The following LRP1 variants were observed in gnomAD, a reference collection of about 807,000 sequenced individuals.
LRP1 encodes LDL receptor related protein 1, also known as prolow-density lipoprotein receptor-related protein 1.
A neutral mutation model predicts 541.5 loss-of-function variants in LRP1; 51 were observed. That is an observed-to-expected ratio of 0.09 (90% CI 0.08 to 0.12). The LOEUF (loss-of-function observed/expected upper bound fraction) is 0.12, where lower values mean the gene tolerates loss of function less well. Among genes scored for constraint, LRP1 ranks in the 10% least tolerant of loss-of-function variants. LRP1 has a pLI of 1.00. For synonymous variants in LRP1, 2,219 were observed against 2,470.8 expected (o/e 0.90, Z 3.02); for missense variants, 3,878 against 6,376.2 (o/e 0.61, Z 13.34).
chr12:57,157,219 C>T (rs569066240), intron 10 of LRP1, among the ~76,000 whole-genome samples: 8 of 152,300 alleles, frequency 5.3e-5, no homozygotes, highest in South Asian at 2.1e-4. Context: ...AAGCAGCGAA[C>T]GAGATAGATG....
rs778534626 is a variant in LRP1, at chr12:57,200,714, G to A, written c.10124G>A (p.Arg3375Gln). ...TCTCTGGCAGCTGAGTTCAAGTGCC[G>A]GCCCGGACAGTTCCAGTGCTCCACA... ...EPPDCPEFKCRPGQFQCSTGI... is the reference protein window; with the variant it reads ...EPPDCPEFKCQPGQFQCSTGI... The change falls in exon 64 of 89, where the codon CGG becomes CAG. Residue 3375 changes from arginine (R) to glutamine (Q), a missense_variant. Around this residue, in one of 13 missense-constraint regions of LRP1, gnomAD observed 278 missense variants for 536.3 expected, o/e 0.52. Transcript: ENST00000243077. The A allele has an allele frequency of 5.0e-6, 8 of 1,613,870 alleles. No individual in the cohort carries two copies. The highest frequency in any genetic ancestry group is 2.2e-5 in the East Asian group (1 of 44,880).
chr12:57,134,132 T>TG (rs556258076), intron 1 of LRP1, among the ~76,000 whole-genome samples: 130 of 146,758 alleles, frequency 8.9e-4, no homozygotes, highest in East Asian at 4.5e-4. Context: ...TGCCTGGGTT[T>TG]GGGGGGGTGG....
Position 57,183,286 on chromosome 12 carries a change from C to A in LRP1, c.5663-93C>A, listed in dbSNP as rs1387031507. 13 of 1,362,222 alleles carry A rather than the reference C, an allele frequency of 9.5e-6. No homozygotes were observed. The highest frequency in any genetic ancestry group is 1.3e-5 in the Non-Finnish European group (13 of 979,452). The allele number at this position is 1,362,222 out of a possible 1,614,324, so 84.4% of individuals were successfully genotyped here. ...GGATGATGGTGGGGGGGGATGATATCAAAGGAGAAGCAGAGAACAGTTGGA... is the reference window on the plus strand; with the variant it reads ...GGATGATGGTGGGGGGGGATGATATAAAAGGAGAAGCAGAGAACAGTTGGA... On this transcript the variant is annotated intron_variant, in intron 34 of 88. Transcript: ENST00000243077. The surrounding 1 kb of genome is among the most constrained non-coding windows in gnomAD (Gnocchi z 6.1).
Position 57,205,515 on chromosome 12 carries a change from C to G in LRP1, c.11470+30C>G. 1.2e-6 allele frequency: 2 copies of G among 1,612,562 alleles called. No homozygotes were observed. Among genetic ancestry groups the G allele is most frequent in the Non-Finnish European group, 1.7e-6 (2 of 1,178,950 alleles). ...GAAAGCGGGGCAGAGCAGGGGTGGACACCCCAACTGTGGACTCTCATGACC... is the reference window on the plus strand; with the variant it reads ...GAAAGCGGGGCAGAGCAGGGGTGGAGACCCCAACTGTGGACTCTCATGACC... On this transcript the variant is annotated intron_variant, in intron 74 of 88. Transcript: ENST00000243077. This position sits in a 1 kb window ranked among gnomAD's most constrained non-coding sequence, Gnocchi z 4.6.
Position 57,178,904 on chromosome 12 carries a change from G to A in LRP1, c.4621G>A (p.Glu1541Lys). Residue 1541 changes from glutamate (E) to lysine (K), a missense_variant, in exon 28 of 89, where the codon GAG (glutamate) becomes AAG (lysine). By Grantham distance (56) the Glu-to-Lys change is moderately conservative. Transcript: ENST00000243077. This position sits in a 1 kb window ranked among gnomAD's most constrained non-coding sequence, Gnocchi z 5.8. ...SRQPMAPNPC[E>K]ANGGQGPCSH... is the part of the protein sequence containing the mutation. ...CCTGCCCCCAGCTCCCAATCCCTGT[G>A]AGGCCAATGGGGGCCAGGGCCCCTG... is the stretch of plus-strand genomic sequence containing the variant. 6.2e-7 allele frequency: 1 copy of A among 1,613,228 alleles called. No homozygotes were observed. The highest frequency in any genetic ancestry group is 8.5e-7 in the Non-Finnish European group (1 of 1,179,788).
At chr12:57,174,974 T>G (rs570687381) in intron 22 of LRP1, among the ~76,000 whole-genome samples, 1 of 152,236 alleles carries the variant, frequency 6.6e-6, no homozygotes, top group East Asian at 1.9e-4. Flanking sequence ...CTGGGAGAAC[T>G]GCCGACAGGC....
intron 8 of LRP1, chr12:57,155,230 G>C (rs562833186): frequency 4.8e-6 from 1 of 207,650 alleles, no homozygotes; most frequent in Non-Finnish European, 9.7e-6. Flanking sequence ...AACTAGGACA[G>C]TTGGCCACCG....
chr12:57,181,133 C>T (rs1198944377), intron 33 of LRP1, 24 bp from the exon 34 acceptor site: 1 of 1,608,410 alleles, frequency 6.2e-7, no homozygotes, highest in South Asian at 1.1e-5. Context: ...TAACCCTTTC[C>T]CTCTGCCTCC....
At chr12:57,202,609 A>T in intron 68 of LRP1, 72 bp downstream of exon 68, 1 of 1,132,036 alleles carries the variant, frequency 8.8e-7, no homozygotes. Flanking sequence ...CCCTCCTGCC[A>T]CAGGCCGCGC....
rs1356204908 is a variant in LRP1 at position 57,178,515 on chromosome 12, G to A, written c.4518G>A (p.Lys1506=). 1.2e-6 allele frequency: 2 copies of A among 1,614,224 alleles called. No individual in the cohort carries two copies. The highest frequency in any genetic ancestry group is 2.2e-5 in the East Asian group (1 of 44,886). Reference sequence around the variant, plus strand: ...CAAACACACTGGCTAAGGCCAACAAGTGGACCGGCCACAATGTCACCGTGG... The same window carrying A: ...CAAACACACTGGCTAAGGCCAACAAATGGACCGGCCACAATGTCACCGTGG... ...WRTNTLAKAN[K]WTGHNVTVVQ... is the part of the protein sequence containing the mutation. The change falls in exon 27 of 89, where the codon AAG becomes AAA. Residue 1506 remains lysine, a synonymous_variant. Transcript: ENST00000243077. This position sits in a 1 kb window ranked among gnomAD's most constrained non-coding sequence, Gnocchi z 5.8.
In LRP1 at chr12:57,175,646, A is replaced by G. The variant is rs483353013; in HGVS notation, c.3734A>G (p.Lys1245Arg). The G allele has an allele frequency of 1.2e-6, 2 of 1,605,514 alleles. No homozygotes were observed. Among genetic ancestry groups the G allele is most frequent in the South Asian group, 2.2e-5 (2 of 89,858 alleles). The change falls in exon 23 of 89, where the codon AAG (lysine) becomes AGG (arginine). Residue 1245 changes from lysine (K) to arginine (R), a missense_variant. Physicochemically the swap from Lys to Arg is conservative, Grantham distance 26. Around this residue, in one of 13 missense-constraint regions of LRP1, gnomAD observed 320 missense variants for 547.9 expected, o/e 0.58. Transcript: ENST00000243077. ...TGCGACCAGAACAAGTTCAGCGTGA[A>G]GTGCTCCTGCTACGAGGGCTGGGTC... ...QKCDQNKFSV[K>R]CSCYEGWVLE... is the part of the protein sequence containing the mutation.
chr12:57,200,937 T>A, intron 64 of LRP1, 97 bp from the exon 65 acceptor site: 1 of 1,587,910 alleles, frequency 6.3e-7, no homozygotes, highest in Non-Finnish European at 8.6e-7. Flanking sequence ...TGGATTCCTA[T>A]GGCTCAAGCC....
At position 57,183,260 on chromosome 12, in the gene LRP1, G is replaced by A. The variant is rs1401770569; in HGVS notation, c.5663-119G>A. The A allele has an allele frequency of 8.7e-7, 1 of 1,144,766 alleles. No individual in the cohort carries two copies. Among genetic ancestry groups the A allele is most frequent in the Non-Finnish European group, 1.3e-6 (1 of 794,234 alleles). The allele number at this position is 1,144,766 out of a possible 1,614,324, so 70.9% of individuals were successfully genotyped here. On this transcript the variant is annotated intron_variant, in intron 34 of 88. Transcript: ENST00000243077. The surrounding 1 kb of genome is among the most constrained non-coding windows in gnomAD (Gnocchi z 6.1). Reference sequence around the variant, plus strand: ...GGGTGTGTGTGCTGGGTGGAGGATAGGGATGATGGTGGGGGGGGATGATAT... The same window carrying A: ...GGGTGTGTGTGCTGGGTGGAGGATAAGGATGATGGTGGGGGGGGATGATAT...
chr12:57,193,010 G>A, intron 45 of LRP1, 40 bp downstream of exon 45: 1 of 1,605,100 alleles, frequency 6.2e-7, no homozygotes, highest in East Asian at 2.2e-5. Context: ...GGGAACCCAA[G>A]CACACACCAG....
chr12:57,149,739 T>C (rs369134135), intron 6 of LRP1: 53 of 727,000 alleles, frequency 7.3e-5, no homozygotes, highest in Non-Finnish European at 1.2e-4. Flanking sequence ...AGCTCCAGAC[T>C]GGCTGGTGGA....
rs1287564453 is a variant in LRP1 at position 57,198,643 on chromosome 12, A to G, written c.9649A>G (p.Ser3217Gly). 2 of 1,612,434 alleles carry G rather than the reference A, an allele frequency of 1.2e-6. No individual in the cohort carries two copies. The highest frequency in any genetic ancestry group is 2.2e-5 in the South Asian group (2 of 90,760). The change falls in exon 60 of 89, where the codon AGC (serine) becomes GGC (glycine). Residue 3217 changes from serine to glycine, a missense_variant. Coordinates refer to ENST00000243077, the MANE Select transcript of LRP1 (RefSeq NM_002332.3). Reference protein sequence around the residue: ...DAREDYIEFASLDGSNRHVVL... With the variant: ...DAREDYIEFAGLDGSNRHVVL... ...CCGCGAGGACTACATTGAATTTGCC[A>G]GCCTGGATGGCTCCAATCGCCACGT...
chr12:57,191,664 CACAT>C, intron 44 of LRP1, 152 bp downstream of exon 44: 1 of 671,404 alleles, frequency 1.5e-6, no homozygotes, highest in African/African-American at 1.9e-5. Context: ...CACACCACAC[CACAT>C]ACACACACCA....
intron 32 of LRP1, 35 bp downstream of exon 32, chr12:57,180,514 A>G (rs2036142219): frequency 1.2e-6 from 2 of 1,612,674 alleles, no homozygotes; most frequent in Admixed American, 3.3e-5. Context: ...GATGACGCAG[A>G]GCAGGCCAGG....
At position 57,194,370 on chromosome 12, in the gene LRP1, C is replaced by A. The variant is rs745607477; in HGVS notation, c.7935C>A (p.Ser2645Arg). The A allele has an allele frequency of 6.6e-7, 1 of 1,511,444 alleles. No individual in the cohort carries two copies. Among genetic ancestry groups the A allele is most frequent in the Non-Finnish European group, 8.8e-7 (1 of 1,130,952 alleles). The allele number at this position is 1,511,444 out of a possible 1,614,324, so 93.6% of individuals were successfully genotyped here. A position where few individuals can be genotyped will look rare whatever the true frequency, so the allele number is the denominator to read the frequency against. The change falls in exon 49 of 89, where the codon AGC (serine) becomes AGA (arginine). Residue 2645 changes from serine to arginine, a missense_variant. Physicochemically the swap from Ser to Arg is moderately radical, Grantham distance 110 (BLOSUM62 -1). This residue lies in a region of LRP1 where 1,100 missense variants were observed against 1,827.4 expected (regional missense o/e 0.60). Transcript: ENST00000243077. ...DEMNCSATDC[S>R]SYFRLGVKGV... ...CCCCACCAGGTGCCACCGACTGCAGCAGCTACTTCCGCCTGGGCGTGAAGG... is the reference window on the plus strand; with the variant it reads ...CCCCACCAGGTGCCACCGACTGCAGAAGCTACTTCCGCCTGGGCGTGAAGG...
Sources: allele counts gnomAD v4.1 joint callset (sites outside exome capture counted in the v4.1 genomes callset), GRCh38; gene constraint gnomAD v4.1.1; regional missense constraint gnomAD v4.1.1; non-coding constraint Gnocchi (gnomAD v3.1); transcripts MANE v1.5; gene names NCBI Gene and HGNC (gene_info 2026-07-23, HGNC 2026-07-21).